Variants in FER1L6 observed in about 807,000 individuals in gnomAD.
FER1L6 encodes the protein fer-1-like protein 6.
Under a neutral mutation model 219.2 loss-of-function variants are expected in FER1L6, and 177 were observed. The ratio of observed to expected loss-of-function variants is 0.81; its 90% CI spans 0.71 to 0.91. The LOEUF is 0.91. Ranked by LOEUF, FER1L6 falls within the 40% of genes least tolerant of loss-of-function variation. FER1L6 has a pLI of 0.00. For missense variants in FER1L6, 2,153 were observed against 2,259.9 expected (o/e 0.95, Z 0.96); for synonymous variants, 768 against 824.3 (o/e 0.93, Z 1.17).
chr8:123,959,776 G>A (rs1454945437), intron 2 of FER1L6, among the ~76,000 whole-genome samples: 1 of 152,146 alleles, frequency 6.6e-6, no homozygotes, highest in African/African-American at 2.4e-5. Flanking sequence ...GTCTGAAGGT[G>A]GTGGCTATGA....
In FER1L6 at chr8:124,060,559, G is replaced by A. The variant is rs1820518264; in HGVS notation, c.2997G>A (p.Trp999Ter). 10 of 1,613,834 alleles carry A rather than the reference G, an allele frequency of 6.2e-6. No homozygotes were observed. Among genetic ancestry groups the A allele is most frequent in the South Asian group, 4.4e-5 (4 of 91,038 alleles). The change falls in exon 24 of 41, where the codon TGG becomes TGA. Residue 999 changes from tryptophan (W) to a stop codon, truncating the protein, a stop_gained. Coordinates refer to ENST00000522917, the MANE Select transcript of FER1L6 (RefSeq NM_001039112.2). LOFTEE classifies it high-confidence loss of function. ...GGTCTTTTCCTCAGGTTCTCTTCTG[G>A]GGAGTTCGGGAAATGAAGAAGGTGC... Reference protein sequence around the residue: ...LSKYRVEVLFWGVREMKKVQL... With the variant: ...LSKYRVEVLF
At chr8:123,999,425 C>T (rs1205401962) in intron 12 of FER1L6, among the ~76,000 whole-genome samples, 2 of 152,198 alleles carry the variant, frequency 1.3e-5, no homozygotes, top group Admixed American at 1.3e-4. Context: ...CCAGGTGGAT[C>T]ACTTGAGGTC....
At chr8:123,986,341 G>C (rs560195710) in intron 12 of FER1L6, among the ~76,000 whole-genome samples, 165 bp downstream of exon 12, 1 of 152,176 alleles carries the variant, frequency 6.6e-6, no homozygotes, top group South Asian at 2.1e-4. Flanking sequence ...AATATATAAG[G>C]GATAGATTTA....
intron 1 of FER1L6, among the ~76,000 whole-genome samples, chr8:123,861,452 C>A (rs1294018759): frequency 0.022 from 3,212 of 145,206 alleles, 249 homozygotes; most frequent in African/African-American, 0.083. Context: ...TTAGGATTGA[C>A]TTGGCGATGC....
At chr8:124,038,385 CT>C (rs1479632282) in intron 19 of FER1L6, among the ~76,000 whole-genome samples, 5 of 152,224 alleles carry the variant, frequency 3.3e-5, no homozygotes, top group Non-Finnish European at 7.3e-5. Context: ...TCACTAAGCA[CT>C]TAGATTCTTG....
At chr8:123,912,507 T>C (rs1400936432) in intron 1 of FER1L6, among the ~76,000 whole-genome samples, 1 of 151,684 alleles carries the variant, frequency 6.6e-6, no homozygotes, top group Non-Finnish European at 1.5e-5. Flanking sequence ...TTCACAGATA[T>C]AATTCATTAT....
intron 26 of FER1L6, among the ~76,000 whole-genome samples, chr8:124,065,777 T>G (rs1483841164): frequency 6.6e-6 from 1 of 152,158 alleles, no homozygotes; most frequent in Non-Finnish European, 1.5e-5. Flanking sequence ...GAATGGAAGA[T>G]GAATGCATGA....
intron 18 of FER1L6, among the ~76,000 whole-genome samples, chr8:124,025,395 G>A (rs1390106918): frequency 5.3e-5 from 8 of 152,024 alleles, no homozygotes; most frequent in Non-Finnish European, 1.2e-4. Flanking sequence ...TCTTCTACAT[G>A]TGGCTATCTC....
chr8:123,975,325 G>T lies in FER1L6; in HGVS notation c.683+19G>T. On this transcript the variant is annotated intron_variant, in intron 8 of 40. Coordinates refer to ENST00000522917, the MANE Select transcript of FER1L6 (RefSeq NM_001039112.2). ...TAGAAAAGTAAGACAGGTCCATCCT[G>T]GGTTGTGCATAGAAATGATATGTCC... 1 of 1,588,702 alleles carries T rather than the reference G, an allele frequency of 6.3e-7. No individual in the cohort carries two copies. The highest frequency in any genetic ancestry group is 1.1e-5 in the South Asian group (1 of 87,738).
intron 40 of FER1L6, 125 bp from the exon 41 acceptor site, chr8:124,119,482 C>T (rs1823390786): frequency 1.5e-6 from 1 of 689,290 alleles, no homozygotes; most frequent in Admixed American, 2.4e-5. Flanking sequence ...ATGCTCTTCT[C>T]CCATTTTCAG....
intron 1 of FER1L6, among the ~76,000 whole-genome samples, chr8:123,872,138 A>G (rs1191069953): frequency 2.0e-5 from 3 of 152,096 alleles, no homozygotes; most frequent in Non-Finnish European, 4.4e-5. Context: ...ACTTTAAACA[A>G]CCATATCTTT....
chr8:124,079,250 T>C (rs1821425840), intron 32 of FER1L6, among the ~76,000 whole-genome samples: 1 of 152,194 alleles, frequency 6.6e-6, no homozygotes, highest in African/African-American at 2.4e-5. Flanking sequence ...CACTTCCAAA[T>C]ATGGTCAGAT....
intron 34 of FER1L6, among the ~76,000 whole-genome samples, chr8:124,093,689 C>T (rs1192396241): frequency 1.1e-5 from 1 of 91,010 alleles, no homozygotes; most frequent in Non-Finnish European, 2.4e-5. Context: ...ATAAGATTAA[C>T]AAAGATTTAT....
intron 1 of FER1L6, among the ~76,000 whole-genome samples, chr8:123,913,485 G>A (rs1813100170): frequency 6.6e-6 from 1 of 152,110 alleles, no homozygotes; most frequent in Admixed American, 6.6e-5. Flanking sequence ...GGGCTTTGTG[G>A]CAGAGTGAAA....
intron 12 of FER1L6, among the ~76,000 whole-genome samples, chr8:123,997,347 C>T (rs1817181030): frequency 6.6e-6 from 1 of 152,140 alleles, no homozygotes; most frequent in Non-Finnish European, 1.5e-5. Context: ...GTCACTCTCT[C>T]CTGGCCTGTA....
chr8:123,882,901 A>G (rs1263260248), intron 1 of FER1L6, among the ~76,000 whole-genome samples: 2 of 152,204 alleles, frequency 1.3e-5, no homozygotes, highest in African/African-American at 2.4e-5. Context: ...TGACATGCCA[A>G]TGCAGGTTCA....
In FER1L6 at chr8:123,970,059, C is replaced by A. The variant is rs1200922296; in HGVS notation, c.409C>A (p.Pro137Thr). The A allele has an allele frequency of 6.2e-7, 1 of 1,613,952 alleles. No individual in the cohort carries two copies. Among genetic ancestry groups the A allele is most frequent in the Non-Finnish European group, 8.5e-7 (1 of 1,179,938 alleles). ...NEYFVFDFIG[P>T]QVHLFDKIIK... ...GTACTTTGTCTTCGACTTCATTGGG[C>A]CCCAAGTGCATCTTTTTGACAAGAT... The change falls in exon 6 of 41, where the codon CCC becomes ACC. Residue 137 changes from proline (P) to threonine (T), a missense_variant. Transcript: ENST00000522917.
At chr8:124,076,176 A>G (rs925591699) in intron 31 of FER1L6, 22 bp from the exon 32 acceptor site, 9 of 1,613,416 alleles carry the variant, frequency 5.6e-6, no homozygotes, top group Middle Eastern at 1.7e-4. Context: ...TGAACCAAAG[A>G]CATTTTCTTT....
At chr8:123,973,597 T>A in intron 7 of FER1L6, 85 bp downstream of exon 7, 2 of 979,028 alleles carry the variant, frequency 2.0e-6, no homozygotes, top group Non-Finnish European at 3.3e-6. Context: ...CACTCACCTG[T>A]GTGACCATTC....
Sources: allele counts gnomAD v4.1 joint callset (sites outside exome capture counted in the v4.1 genomes callset), GRCh38; gene constraint gnomAD v4.1.1; transcripts MANE v1.5; gene names NCBI Gene and HGNC (gene_info 2026-07-23, HGNC 2026-07-21).